CFAP299: variants seen among roughly 807,000 people sequenced by gnomAD.
CFAP299 encodes the protein cilia- and flagella-associated protein 299.
In CFAP299, 21 loss-of-function variants were observed where a neutral mutation model predicts 27.0. That is an observed-to-expected ratio of 0.78 (90% CI 0.55 to 1.12). The LOEUF is 1.12. Among genes scored for constraint, CFAP299 ranks in the 50% most tolerant of loss-of-function variants. The probability of loss-of-function intolerance (pLI) is 0.00; values close to 1 mark genes in which losing one functional copy is unlikely to be tolerated. For missense variants in CFAP299, 310 were observed against 276.6 expected, an observed-to-expected ratio of 1.12 and a Z score of -0.86; for synonymous variants, 104 against 98.1, an observed-to-expected ratio of 1.06 and a Z score of -0.36.
chr4:80,464,489 G>C (rs943224148), intron 2 of CFAP299, among the ~76,000 whole-genome samples: 1 of 152,126 alleles, frequency 6.6e-6, no homozygotes, highest in African/African-American at 2.4e-5. Flanking sequence ...ACATTTCAGA[G>C]CTTTACAGAT....
At chr4:80,498,796 T>C (rs1356298224) in intron 2 of CFAP299, among the ~76,000 whole-genome samples, 1 of 152,154 alleles carries the variant, frequency 6.6e-6, no homozygotes, top group African/African-American at 2.4e-5. Context: ...AAGGCACATA[T>C]GTGTTCATCA....
chr4:80,847,076 C>T (rs749682945), intron 3 of CFAP299, among the ~76,000 whole-genome samples: 4 of 152,278 alleles, frequency 2.6e-5, no homozygotes, highest in Non-Finnish European at 5.9e-5. Context: ...AGTTTCCTGC[C>T]TGCCACCCAC....
At chr4:80,768,484 C>T (rs1052065108) in intron 3 of CFAP299, among the ~76,000 whole-genome samples, 2 of 152,008 alleles carry the variant, frequency 1.3e-5, no homozygotes, top group Non-Finnish European at 2.9e-5. Context: ...CTGGTTGCTC[C>T]CTACTGTTAA....
chr4:80,697,307 A>G (rs2110023476), intron 3 of CFAP299, among the ~76,000 whole-genome samples: 1 of 152,232 alleles, frequency 6.6e-6, no homozygotes, highest in Admixed American at 6.5e-5. Context: ...CCTATCTTTA[A>G]CCTATCTTAT....
intron 5 of CFAP299, among the ~76,000 whole-genome samples, chr4:80,950,689 C>T (rs894498711): frequency 6.6e-6 from 1 of 152,042 alleles, no homozygotes; most frequent in Non-Finnish European, 1.5e-5. Context: ...GCTGTCAGCA[C>T]AGATCAGATA....
chr4:80,711,461 C>T (rs1722163474), intron 3 of CFAP299, among the ~76,000 whole-genome samples: 2 of 152,208 alleles, frequency 1.3e-5, no homozygotes, highest in South Asian at 4.1e-4. Flanking sequence ...ATTCAGCTAT[C>T]TGCTTATCCA....
chr4:80,765,327 G>A (rs1478177179), intron 3 of CFAP299, among the ~76,000 whole-genome samples: 1 of 152,122 alleles, frequency 6.6e-6, no homozygotes, highest in Admixed American at 6.5e-5. Flanking sequence ...TTTATTCAGA[G>A]ATGATATCCA....
rs34249511 is a variant in CFAP299, at chr4:80,516,017, CTT to C, written c.243-67057_243-67056del. Among the ~76,000 whole-genome samples, 68 of 119,518 alleles carry C rather than the reference CTT, an allele frequency of 5.7e-4. No individual in the cohort carries two copies. The East Asian group carries it at 8.2e-3, about 14-fold the overall frequency. 78.4% of individuals were successfully genotyped at this position (119,518 alleles called of 152,430 possible). A position where few individuals can be genotyped will look rare whatever the true frequency, so the allele number is the denominator to read the frequency against. ...GATGTGTTAGTCTGTTTCTGCATTT[CTT>C]TTTTTTTTTTTTTTTTTTGAGACGG... is the stretch of plus-strand genomic sequence containing the variant. On this transcript the variant is annotated intron_variant, in intron 2 of 5. Transcript: ENST00000358105.
intron 3 of CFAP299, among the ~76,000 whole-genome samples, chr4:80,633,119 A>G (rs567666912): frequency 6.6e-6 from 1 of 152,326 alleles, no homozygotes; most frequent in South Asian, 2.1e-4. Flanking sequence ...AAACATATAC[A>G]TCATATAAAT....
intron 4 of CFAP299, among the ~76,000 whole-genome samples, chr4:80,888,021 AG>A (rs1734057351): frequency 6.6e-6 from 1 of 152,098 alleles, no homozygotes; most frequent in Non-Finnish European, 1.5e-5. Flanking sequence ...ATATCACCAG[AG>A]AAAAATCACC....
At chr4:80,361,484 T>G (rs1723546270) in intron 1 of CFAP299, among the ~76,000 whole-genome samples, 1 of 152,208 alleles carries the variant, frequency 6.6e-6, no homozygotes. Flanking sequence ...CATTGGTATT[T>G]CTATTAAAGA....
At chr4:80,882,594 C>G (rs1733763196) in intron 4 of CFAP299, among the ~76,000 whole-genome samples, 1 of 151,128 alleles carries the variant, frequency 6.6e-6, no homozygotes, top group African/African-American at 2.4e-5. Flanking sequence ...GCCGAGATAG[C>G]GCCGCTGCAC....
At chr4:80,836,464 G>A (rs1730565106) in intron 3 of CFAP299, among the ~76,000 whole-genome samples, 1 of 152,114 alleles carries the variant, frequency 6.6e-6, no homozygotes, top group African/African-American at 2.4e-5. Flanking sequence ...TCTAGAGGTT[G>A]CCCACATTCT....
chr4:80,821,735 C>T (rs79968234), intron 3 of CFAP299, among the ~76,000 whole-genome samples: 31 of 152,224 alleles, frequency 2.0e-4, no homozygotes, highest in Non-Finnish European at 3.7e-4. Context: ...TACTGATGGC[C>T]GGCTGGGCCT....
At chr4:80,649,734 T>A (rs908348665) in intron 3 of CFAP299, among the ~76,000 whole-genome samples, 2 of 152,092 alleles carry the variant, frequency 1.3e-5, no homozygotes, top group Non-Finnish European at 2.9e-5. Flanking sequence ...AATTAAAATA[T>A]AACTTTTTTG....
intron 4 of CFAP299, among the ~76,000 whole-genome samples, chr4:80,884,904 T>G (rs1298301243): frequency 6.6e-6 from 1 of 152,146 alleles, no homozygotes; most frequent in Non-Finnish European, 1.5e-5. Flanking sequence ...AAAACTCCGA[T>G]AAGCAATCGC....
At chr4:80,587,918 G>A (rs560551540) in intron 3 of CFAP299, among the ~76,000 whole-genome samples, 1 of 144,184 alleles carries the variant, frequency 6.9e-6, no homozygotes, top group Non-Finnish European at 1.5e-5. Context: ...GTTAGGTCAG[G>A]TTCCCTAAAA....
chr4:80,613,011 A>G (rs141953036), intron 3 of CFAP299, among the ~76,000 whole-genome samples: 1 of 152,220 alleles, frequency 6.6e-6, no homozygotes, highest in East Asian at 1.9e-4. Context: ...ACATGTTATG[A>G]GGCTCTTTCA....
At chr4:80,676,542 T>C (rs975233679) in intron 3 of CFAP299, among the ~76,000 whole-genome samples, 12 of 152,196 alleles carry the variant, frequency 7.9e-5, no homozygotes, top group African/African-American at 2.7e-4. Flanking sequence ...GTTAGTTCTT[T>C]AAATTTTTGG....
Sources: allele counts gnomAD v4.1 joint callset (sites outside exome capture counted in the v4.1 genomes callset), GRCh38; gene constraint gnomAD v4.1.1; transcripts MANE v1.5; gene names NCBI Gene and HGNC (gene_info 2026-07-23, HGNC 2026-07-21).